Variants in TGM3 observed in about 807,000 individuals in gnomAD.
The protein encoded by TGM3 is protein-glutamine gamma-glutamyltransferase E.
In TGM3, 52 loss-of-function variants were observed where a neutral mutation model predicts 73.8. That is an observed-to-expected ratio of 0.70 (90% CI 0.56 to 0.89). The LOEUF (loss-of-function observed/expected upper bound fraction) is 0.89, where lower values mean the gene tolerates loss of function less well. Among genes scored for constraint, TGM3 ranks in the 40% least tolerant of loss-of-function variants. TGM3 has a pLI of 0.00. For synonymous variants in TGM3, 372 were observed against 354.9 expected (o/e 1.05, Z -0.54); for missense variants, 928 against 909.9 (o/e 1.02, Z -0.26).
At chr20:2,315,035 A>G (rs761200694) in intron 5 of TGM3, among the ~76,000 whole-genome samples, 13 of 152,110 alleles carry the variant, frequency 8.5e-5, no homozygotes, top group Non-Finnish European at 1.9e-4. Context: ...TAGCCGAGGG[A>G]GAGTATGGAG....
intron 12 of TGM3, 53 bp downstream of exon 12, chr20:2,340,040 G>GGTGGGGGGGGGGGGGGGGGGGGGC: frequency 1.1e-6 from 1 of 944,848 alleles, no homozygotes; most frequent in Non-Finnish European, 1.6e-6. Context: ...GGGCGGGGGG[G>GGTGGGGGGGGGGGGGGGGGGGGGC]CCCTCCAGAT....
At chr20:2,319,189 A>C (rs1387941963) in intron 7 of TGM3, among the ~76,000 whole-genome samples, 1 of 152,186 alleles carries the variant, frequency 6.6e-6, no homozygotes, top group Non-Finnish European at 1.5e-5. Context: ...GGGCTATGCC[A>C]TTCCTAACTT....
intron 1 of TGM3, among the ~76,000 whole-genome samples, chr20:2,299,337 G>A (rs1008470091): frequency 2.0e-5 from 3 of 152,102 alleles, no homozygotes; most frequent in Admixed American, 6.5e-5. Flanking sequence ...TCCATTAAGC[G>A]CCTCAGCACA....
At position 2,339,828 on chromosome 20, in the gene TGM3, G is replaced by A. The variant is rs1234915670; in HGVS notation, c.1801-26G>A. 1.9e-6 allele frequency: 3 copies of A among 1,613,240 alleles called. No homozygotes were observed. The African/African-American group carries it at 4.0e-5, about 22-fold the overall frequency. The stretch of plus-strand genomic sequence containing the variant: ...GCAGGGGCTGAGCAGCTGGAGTCCT[G>A]ACTCGGCAGCCCCTCTCCCCCATAG... On this transcript the variant is annotated intron_variant, in intron 11 of 12. Transcript: ENST00000381458.
intron 5 of TGM3, among the ~76,000 whole-genome samples, chr20:2,315,423 G>A (rs557690187): frequency 1.3e-5 from 2 of 152,310 alleles, no homozygotes; most frequent in South Asian, 4.1e-4. Context: ...CTCTAAGGAG[G>A]CCCTGTCTTG....
chr20:2,325,794 A>G, intron 7 of TGM3, 55 bp from the exon 8 acceptor site: 1 of 1,242,986 alleles, frequency 8.0e-7, no homozygotes, highest in Non-Finnish European at 1.2e-6. Context: ...CTGTCTTGCC[A>G]CTCATCTGCT....
chr20:2,339,805 A>T, intron 11 of TGM3, 49 bp from the exon 12 acceptor site: 1 of 1,611,512 alleles, frequency 6.2e-7, no homozygotes, highest in Non-Finnish European at 8.5e-7. Flanking sequence ...AGGTGCAGGC[A>T]GGGGCTGAGC....
At chr20:2,312,697 T>C (rs1162904754) in intron 4 of TGM3, among the ~76,000 whole-genome samples, 8 of 152,072 alleles carry the variant, frequency 5.3e-5, no homozygotes, top group Admixed American at 5.2e-4. Context: ...ATACACAGGG[T>C]CTTGTGTGTA....
intron 8 of TGM3, among the ~76,000 whole-genome samples, chr20:2,327,450 C>T (rs530519197): frequency 6.6e-6 from 1 of 152,062 alleles, no homozygotes; most frequent in African/African-American, 2.4e-5. Context: ...GCACTCCAGA[C>T]TGGGCGACAG....
chr20:2,329,531 G>A (rs1170683636), intron 9 of TGM3, among the ~76,000 whole-genome samples: 1 of 152,190 alleles, frequency 6.6e-6, no homozygotes, highest in Non-Finnish European at 1.5e-5. Context: ...CTGAGTGCCT[G>A]CTTCATGCTG....
In TGM3 at chr20:2,332,344, A is replaced by C; in HGVS notation, c.1642+34A>C. 6.5e-7 allele frequency: 1 copy of C among 1,532,694 alleles called. No homozygotes were observed. The highest frequency in any genetic ancestry group is 8.8e-7 in the Non-Finnish European group (1 of 1,139,834). The allele number at this position is 1,532,694 out of a possible 1,614,324, so 94.9% of individuals were successfully genotyped here. A position where few individuals can be genotyped will look rare whatever the true frequency, so the allele number is the denominator to read the frequency against. On this transcript the variant is annotated intron_variant, in intron 10 of 12. Coordinates refer to ENST00000381458, the MANE Select transcript of TGM3 (RefSeq NM_003245.4). This position sits in a 1 kb window ranked among gnomAD's most constrained non-coding sequence, Gnocchi z 4.4. ...TCCCGCAGTTGGAGGAGATCCACGA[A>C]TCCGAGGTAGCCAATGGCCTTCTGG...
intron 1 of TGM3, among the ~76,000 whole-genome samples, chr20:2,303,134 A>T (rs529517441): frequency 6.6e-5 from 10 of 152,212 alleles, no homozygotes; most frequent in Non-Finnish European, 1.2e-4. Flanking sequence ...CCCTGTCTCT[A>T]TTAAAAATAC....
chr20:2,303,669 T>C (rs535537175), intron 1 of TGM3, among the ~76,000 whole-genome samples: 1 of 151,970 alleles, frequency 6.6e-6, no homozygotes, highest in Non-Finnish European at 1.5e-5. Context: ...GAGTGGAGCC[T>C]GGGAAAGTAG....
At position 2,331,034 on chromosome 20, in the gene TGM3, GA is replaced by G. The variant is rs1442500611; in HGVS notation, c.1334-960del. On this transcript the variant is annotated intron_variant, in intron 9 of 12. Coordinates refer to ENST00000381458, the MANE Select transcript of TGM3 (RefSeq NM_003245.4). ...AAAAAAAAAAAAAAAAAAAGAGAGA[GA>G]AAAAAAATAAAAAAAGAAAAGAAAG... Among the ~76,000 whole-genome samples the G allele has an allele frequency of 1.9e-3, 268 of 144,694 alleles. 2 individuals carry two copies. Among genetic ancestry groups the G allele is most frequent in the African/African-American group, 3.6e-3 (139 of 38,772 alleles). The allele number at this position is 144,694 out of a possible 152,430, so 94.9% of individuals were successfully genotyped here.
At chr20:2,327,922 G>C (rs190413013) in intron 8 of TGM3, among the ~76,000 whole-genome samples, 198 bp from the exon 9 acceptor site, 2 of 152,338 alleles carry the variant, frequency 1.3e-5, no homozygotes. Context: ...TGTAGAGGTT[G>C]AGTTCGACCA....
chr20:2,300,216 AGAAG>A (rs2084136959), intron 1 of TGM3, among the ~76,000 whole-genome samples: 2 of 127,294 alleles, frequency 1.6e-5, no homozygotes, highest in Admixed American at 9.5e-5. Flanking sequence ...AGAAAGAAAG[AGAAG>A]AAAGAAAGAA....
chr20:2,299,136 G>A (rs2084128056), intron 1 of TGM3, among the ~76,000 whole-genome samples: 1 of 152,110 alleles, frequency 6.6e-6, no homozygotes, highest in Admixed American at 6.5e-5. Context: ...TCTTGGGCAG[G>A]TCACTTAACT....
intron 1 of TGM3, among the ~76,000 whole-genome samples, chr20:2,301,627 T>C (rs1328758035): frequency 1.3e-5 from 2 of 152,006 alleles, no homozygotes; most frequent in African/African-American, 2.4e-5. Context: ...GATCCATGTA[T>C]GTAAAGACTA....
chr20:2,319,963 T>C (rs2084254376), intron 7 of TGM3, among the ~76,000 whole-genome samples: 3 of 152,192 alleles, frequency 2.0e-5, no homozygotes, highest in Admixed American at 2.0e-4. Context: ...CTTTGCCAGC[T>C]TAAATGTTTA....
Sources: allele counts gnomAD v4.1 joint callset (sites outside exome capture counted in the v4.1 genomes callset), GRCh38; gene constraint gnomAD v4.1.1; non-coding constraint Gnocchi (gnomAD v3.1); transcripts MANE v1.5; gene names NCBI Gene and HGNC (gene_info 2026-07-23, HGNC 2026-07-21).